The following UMOD variants were observed in gnomAD, a reference collection of about 807,000 sequenced individuals.
UMOD encodes Tamm-Horsfall urinary glycoprotein.
In UMOD, 64 loss-of-function variants were observed where a neutral mutation model predicts 66.0. The observed-to-expected ratio is 0.97, with a 90% confidence interval of 0.79 to 1.19. The LOEUF (loss-of-function observed/expected upper bound fraction) is 1.19. UMOD is among the 50% of genes most tolerant of loss of function. UMOD has a pLI of 0.00. For missense variants in UMOD, 764 were observed against 850.9 expected (o/e 0.90, Z 1.27); for synonymous variants, 398 against 352.7 (o/e 1.13, Z -1.44).
Position 20,348,700 on chromosome 16 carries a change from C to A in UMOD, c.601G>T (p.Gly201Cys). The A allele has an allele frequency of 6.4e-7, 1 of 1,552,146 alleles. No individual in the cohort carries two copies. Among genetic ancestry groups the A allele is most frequent in the Non-Finnish European group, 8.7e-7 (1 of 1,150,014 alleles). Reference protein sequence around the residue: ...EGYACDTDLRGWYRFVGQGGA... With the variant: ...EGYACDTDLRCWYRFVGQGGA... ...CCCTGGCCCACGAAGCGGTACCAGCCGCGCAGGTCCGTGTCGCAGGCGTAG... is the reference window on the plus strand; with the variant it reads ...CCCTGGCCCACGAAGCGGTACCAGCAGCGCAGGTCCGTGTCGCAGGCGTAG... The change falls in exon 3 of 11, where the codon GGC becomes TGC. Residue 201 changes from glycine (G) to cysteine (C), a missense_variant. Transcript: ENST00000396138.
chr16:20,348,373 C>T, intron 3 of UMOD, 43 bp from the exon 4 acceptor site: 8 of 1,613,788 alleles, frequency 5.0e-6, no homozygotes, highest in Non-Finnish European at 5.1e-6. Flanking sequence ...TAAGGACGCA[C>T]CCCCGTCCTC....
At chr16:20,338,921 G>A (rs527940271) in intron 7 of UMOD, among the ~76,000 whole-genome samples, 15 of 152,154 alleles carry the variant, frequency 9.9e-5, no homozygotes, top group South Asian at 2.1e-4. Flanking sequence ...CACCATGCCT[G>A]TCTAATTTTT....
At chr16:20,346,022 G>A in intron 5 of UMOD, 104 bp downstream of exon 5, 2 of 1,086,260 alleles carry the variant, frequency 1.8e-6, no homozygotes, top group Non-Finnish European at 2.7e-6. Context: ...CTGAGGCACA[G>A]CCAGGCTAAA....
rs537285028 is a variant in UMOD at position 20,340,973 on chromosome 16, G to A, written c.1577+118C>T. 3.9e-5 allele frequency: 47 copies of A among 1,218,538 alleles called. No homozygotes were observed. The East Asian group carries it at 6.9e-4, about 18-fold the overall frequency. 75.5% of individuals were successfully genotyped at this position (1,218,538 alleles called of 1,614,324 possible). On this transcript the variant is annotated intron_variant, in intron 7 of 10. Transcript: ENST00000396138. ...CACACCATTGCACTCCAACCTTGGC[G>A]ACAGAGCAAGACTCTGTCAAAAAAA...
chr16:20,348,547 T>C lies in UMOD; in HGVS notation c.754A>G (p.Ser252Gly), dbSNP rs1190932235. ...IVSRKACAHW[S>G]GHCCLWDASV... The stretch of plus-strand genomic sequence containing the variant: ...GCATCCCACAGGCAGCAGTGGCCGC[T>C]CCAGTGCGCGCAGGCCTTGCGGCTC... The change falls in exon 3 of 11, where the codon AGC becomes GGC. Residue 252 changes from serine to glycine, a missense_variant. Transcript: ENST00000396138. 2 of 1,601,592 alleles carry C rather than the reference T, an allele frequency of 1.2e-6. No individual in the cohort carries two copies. The highest frequency in any genetic ancestry group is 2.2e-5 in the East Asian group (1 of 44,638).
At chr16:20,352,874 T>C, upstream of UMOD, 1 of 565,914 alleles carries the variant, frequency 1.8e-6, no homozygotes, top group East Asian at 3.5e-5. Flanking sequence ...TGTGAGGTTG[T>C]TGTTGTTCTT....
At chr16:20,342,937 C>T (rs1225282518) in intron 6 of UMOD, among the ~76,000 whole-genome samples, 2 of 152,052 alleles carry the variant, frequency 1.3e-5, no homozygotes, top group East Asian at 3.9e-4. Flanking sequence ...TGAGACCAGC[C>T]TGGCCAACAT....
At position 20,344,071 on chromosome 16, in the gene UMOD, G is replaced by T. The variant is rs560744128; in HGVS notation, c.1284C>A (p.Pro428=). The T allele has an allele frequency of 4.3e-6, 7 of 1,613,898 alleles. No individual in the cohort carries two copies. The highest frequency in any genetic ancestry group is 2.2e-5 in the East Asian group (1 of 44,880). Residue 428 remains proline, a synonymous_variant, in exon 6 of 11, where the codon CCC becomes CCA. Transcript: ENST00000396138. The stretch of plus-strand genomic sequence containing the variant: ...TCTTCAGGCTGACTTTCATGTCCAG[G>T]GGGTAGGAGCATGCAAAGTTGATTT... ...NIKINFACSY[P]LDMKVSLKTA...
In UMOD at chr16:20,348,619, G is replaced by A; in HGVS notation, c.682C>T (p.Pro228Ser). 6.3e-7 allele frequency: 1 copy of A among 1,584,132 alleles called. No individual in the cohort carries two copies. Among genetic ancestry groups the A allele is most frequent in the Non-Finnish European group, 8.5e-7 (1 of 1,170,136 alleles). ...GGATGCGTGCCATTGAGCCACATGG[G>A]GGCGGCCGTGTTGCAGCGCAGGACT... Reference protein sequence around the residue: ...VPVLRCNTAAPMWLNGTHPSS... With the variant: ...VPVLRCNTAASMWLNGTHPSS... Residue 228 changes from proline to serine, a missense_variant, in exon 3 of 11, where the codon CCC becomes TCC. Physicochemically the swap from Pro to Ser is moderately conservative, Grantham distance 74. Coordinates refer to ENST00000396138, the MANE Select transcript of UMOD (RefSeq NM_003361.4).
At chr16:20,337,211 GAAGA>G (rs1964923518) in intron 8 of UMOD, 76 bp downstream of exon 8, 1 of 1,559,136 alleles carries the variant, frequency 6.4e-7, no homozygotes, top group Non-Finnish European at 8.8e-7. Context: ...GGGAAACAGG[GAAGA>G]AATATTGATT....
At chr16:20,348,396 C>A (rs748315882) in intron 3 of UMOD, 40 bp downstream of exon 3, 6 of 1,614,050 alleles carry the variant, frequency 3.7e-6, no homozygotes, top group Non-Finnish European at 5.1e-6. Flanking sequence ...CAGTGCCTTT[C>A]CAGGCCTGGG....
intron 2 of UMOD, among the ~76,000 whole-genome samples, chr16:20,350,213 A>G (rs1394287938): frequency 6.6e-6 from 1 of 152,086 alleles, no homozygotes. Context: ...GCAAATCTCA[A>G]CCCAATGGAA....
At chr16:20,348,390 G>C (rs1449915255) in intron 3 of UMOD, 46 bp downstream of exon 3, 2 of 1,614,006 alleles carry the variant, frequency 1.2e-6, no homozygotes, top group Admixed American at 1.7e-5. Flanking sequence ...CCTCTGCAGT[G>C]CCTTTCCAGG....
Sources: allele counts gnomAD v4.1 joint callset (sites outside exome capture counted in the v4.1 genomes callset), GRCh38; gene constraint gnomAD v4.1.1; transcripts MANE v1.5; gene names NCBI Gene and HGNC (gene_info 2026-07-23, HGNC 2026-07-21).